PLA2G4A: variants seen among roughly 807,000 people sequenced by gnomAD.
The protein encoded by PLA2G4A is phospholipase A2 group IVA.
A neutral mutation model predicts 81.9 loss-of-function variants in PLA2G4A; 40 were observed. The ratio of observed to expected loss-of-function variants is 0.49; its 90% CI spans 0.38 to 0.64. The LOEUF (loss-of-function observed/expected upper bound fraction) is 0.64, where lower values mean the gene tolerates loss of function less well. PLA2G4A is among the 30% of genes least tolerant of loss of function. The pLI is 0.00. For missense variants in PLA2G4A, 715 were observed against 905.1 expected (o/e 0.79, Z 2.69); for synonymous variants, 302 against 296.9 (o/e 1.02, Z -0.18).
chr1:186,938,084 T>C (rs1048388290), intron 8 of PLA2G4A, among the ~76,000 whole-genome samples: 2 of 152,122 alleles, frequency 1.3e-5, no homozygotes, highest in African/African-American at 2.4e-5. Context: ...ATTCTATTTT[T>C]ATTTTGTTCT....
At chr1:186,958,915 T>C (rs1402373799) in intron 14 of PLA2G4A, among the ~76,000 whole-genome samples, 1 of 152,194 alleles carries the variant, frequency 6.6e-6, no homozygotes, top group Non-Finnish European at 1.5e-5. Flanking sequence ...ATATGGATAA[T>C]TTATATATCA....
chr1:186,943,830 C>G (rs1656244076), intron 10 of PLA2G4A, among the ~76,000 whole-genome samples: 1 of 152,006 alleles, frequency 6.6e-6, no homozygotes, highest in Non-Finnish European at 1.5e-5. Context: ...TAATTCCAGA[C>G]AGAAATATTT....
At chr1:186,959,877 T>A (rs1656887054) in intron 14 of PLA2G4A, among the ~76,000 whole-genome samples, 1 of 151,722 alleles carries the variant, frequency 6.6e-6, no homozygotes. Context: ...CACATTTCTT[T>A]TTAAATTTTG....
intron 3 of PLA2G4A, among the ~76,000 whole-genome samples, chr1:186,891,436 C>A (rs1194758698): frequency 6.6e-6 from 1 of 152,032 alleles, no homozygotes; most frequent in Non-Finnish European, 1.5e-5. Context: ...CATTAACCAT[C>A]CCCACCTCCC....
Position 186,974,926 on chromosome 1 carries a change from T to G in PLA2G4A, c.1765-2667T>G, listed in dbSNP as rs951914570. Among the ~76,000 whole-genome samples, 51 of 152,184 alleles carry G rather than the reference T, an allele frequency of 3.4e-4. 1 individual carries two copies. The highest frequency in any genetic ancestry group is 7.4e-5 in the Non-Finnish European group (5 of 68,026). ...TAAGGAAAGGGAAAGTTTCCATCTC[T>G]TCCTGATTCTAGCGTGAAGTGAACC... On this transcript the variant is annotated intron_variant, in intron 15 of 17. Transcript: ENST00000367466.
chr1:186,975,117 T>A (rs1657485662), intron 15 of PLA2G4A, among the ~76,000 whole-genome samples: 1 of 152,220 alleles, frequency 6.6e-6, no homozygotes, highest in South Asian at 2.1e-4. Context: ...TTGGTTTATT[T>A]TGATGTTGAA....
chr1:186,923,211 A>T (rs1020738037), intron 7 of PLA2G4A, among the ~76,000 whole-genome samples: 122 of 152,302 alleles, frequency 8.0e-4, no homozygotes, highest in African/African-American at 2.8e-3. Flanking sequence ...TCTTGTTAGA[A>T]CTTGTGGTTG....
At chr1:186,880,991 A>G (rs1338776797) in intron 3 of PLA2G4A, among the ~76,000 whole-genome samples, 4 of 152,040 alleles carry the variant, frequency 2.6e-5, no homozygotes, top group Non-Finnish European at 5.9e-5. Flanking sequence ...TCCCATGAAT[A>G]TCAACATCTT....
chr1:186,988,412 T>C lies in PLA2G4A; in HGVS notation c.2154T>C (p.Tyr718=), dbSNP rs1657961347. 3.1e-6 allele frequency: 5 copies of C among 1,611,804 alleles called. 1 individual carries two copies. The Admixed American group carries it at 5.0e-5, about 16-fold the overall frequency. Reference sequence around the variant, plus strand: ...AAGCCATGGTTGAAAGCATTGAATATAGAAGACAGAATCCATCTCGTTGCT... The same window carrying C: ...AAGCCATGGTTGAAAGCATTGAATACAGAAGACAGAATCCATCTCGTTGCT... ...IKEAMVESIE[Y]RRQNPSRCSV... is the part of the protein sequence containing the mutation. The change falls in exon 18 of 18, where the codon TAT becomes TAC. Residue 718 remains tyrosine (Y), a synonymous_variant. Coordinates refer to ENST00000367466, the MANE Select transcript of PLA2G4A (RefSeq NM_024420.3).
intron 12 of PLA2G4A, among the ~76,000 whole-genome samples, chr1:186,948,131 G>A (rs539894112): frequency 7.9e-5 from 12 of 152,174 alleles, no homozygotes; most frequent in African/African-American, 2.4e-4. Flanking sequence ...AACTCCTGTA[G>A]TTCATAATAT....
chr1:186,979,232 T>C, intron 16 of PLA2G4A, 83 bp from the exon 17 acceptor site: 1 of 1,018,486 alleles, frequency 9.8e-7, no homozygotes, highest in Non-Finnish European at 1.6e-6. Flanking sequence ...GCTGTCTTTA[T>C]GTCTGTATGT....
intron 1 of PLA2G4A, among the ~76,000 whole-genome samples, chr1:186,838,916 C>T (rs1571322773): frequency 6.6e-6 from 1 of 152,186 alleles, no homozygotes; most frequent in South Asian, 2.1e-4. Context: ...TTCACCCTGA[C>T]ATAAATCTTT....
At chr1:186,948,642 G>T (rs1485706383) in intron 12 of PLA2G4A, among the ~76,000 whole-genome samples, 1 of 152,110 alleles carries the variant, frequency 6.6e-6, no homozygotes, top group Non-Finnish European at 1.5e-5. Context: ...GAAGAGAATA[G>T]GACTGAAATA....
chr1:186,955,371 C>T (rs187822347), intron 13 of PLA2G4A, among the ~76,000 whole-genome samples: 2 of 152,204 alleles, frequency 1.3e-5, no homozygotes, highest in East Asian at 3.9e-4. Flanking sequence ...GTTTGTTAAA[C>T]AGGGTAAGAT....
intron 14 of PLA2G4A, among the ~76,000 whole-genome samples, chr1:186,964,621 A>T (rs1378661764): frequency 2.0e-5 from 3 of 152,070 alleles, no homozygotes; most frequent in Non-Finnish European, 4.4e-5. Flanking sequence ...TCTCAGAGGC[A>T]TCTCCCCTGA....
At chr1:186,928,686 G>A (rs1440406883) in intron 7 of PLA2G4A, among the ~76,000 whole-genome samples, 1 of 152,168 alleles carries the variant, frequency 6.6e-6, no homozygotes, top group African/African-American at 2.4e-5. Flanking sequence ...ATGTTTTTAT[G>A]TAATTGTCTA....
intron 8 of PLA2G4A, 99 bp downstream of exon 8, chr1:186,932,998 A>G (rs913150817): frequency 1.7e-5 from 15 of 868,894 alleles, no homozygotes; most frequent in Non-Finnish European, 2.8e-5. Context: ...AAAATTGATC[A>G]TTAATTTAAA....
intron 1 of PLA2G4A, among the ~76,000 whole-genome samples, chr1:186,842,251 C>G (rs191552129): frequency 1.7e-4 from 26 of 152,128 alleles, no homozygotes; most frequent in African/African-American, 6.0e-4. Flanking sequence ...CAGTGTTGCC[C>G]AGGCTGGTCT....
intron 1 of PLA2G4A, among the ~76,000 whole-genome samples, chr1:186,848,576 T>G (rs1652267392): frequency 6.6e-6 from 1 of 152,180 alleles, no homozygotes; most frequent in Non-Finnish European, 1.5e-5. Flanking sequence ...AGAAAAGTTC[T>G]GAGGCTGCCT....
Sources: gnomAD v4.1 joint callset for allele counts (sites outside exome capture counted in the v4.1 genomes callset) on GRCh38, gnomAD v4.1.1 for gene constraint, MANE v1.5 for transcripts, NCBI Gene and HGNC (gene_info 2026-07-23, HGNC 2026-07-21) for gene names.